ERBB4: variants seen among roughly 807,000 people sequenced by gnomAD.
ERBB4 encodes the protein receptor tyrosine-protein kinase erbB-4.
Under a neutral mutation model 158.0 loss-of-function variants are expected in ERBB4, and 42 were observed. The observed-to-expected ratio is 0.27, with a 90% CI of 0.21 to 0.34. ERBB4 has a LOEUF of 0.34. ERBB4 is among the 10% of genes least tolerant of loss of function. The pLI, the probability that ERBB4 is intolerant of heterozygous loss-of-function variation, is 1.00. For missense variants in ERBB4, 1,333 were observed against 1,624.1 expected, an observed-to-expected ratio of 0.82 and a Z score of 3.08; for synonymous variants, 583 against 558.7, an observed-to-expected ratio of 1.04 and a Z score of -0.61.
chr2:211,587,497 C>T (rs2068321724), intron 19 of ERBB4, among the ~76,000 whole-genome samples: 1 of 152,134 alleles, frequency 6.6e-6, no homozygotes, highest in Non-Finnish European at 1.5e-5. Context: ...AGCGATGCGG[C>T]CTACAAGCCA....
chr2:211,671,088 AG>A (rs1333912417), intron 14 of ERBB4, among the ~76,000 whole-genome samples: 2 of 152,212 alleles, frequency 1.3e-5, no homozygotes, highest in Non-Finnish European at 2.9e-5. Flanking sequence ...GTGAACTAAA[AG>A]TATTAGTTCA....
chr2:211,654,732 G>T (rs1466622634), intron 16 of ERBB4, among the ~76,000 whole-genome samples: 2 of 152,118 alleles, frequency 1.3e-5, no homozygotes, highest in African/African-American at 4.8e-5. Flanking sequence ...CCATTTTACA[G>T]ATAAAAAACA....
chr2:212,099,736 G>T (rs1386410727), intron 2 of ERBB4, among the ~76,000 whole-genome samples: 1 of 144,600 alleles, frequency 6.9e-6, no homozygotes, highest in Non-Finnish European at 1.5e-5. Flanking sequence ...TTGTTTTACA[G>T]TTTTTTTTTT....
At chr2:211,807,180 C>T (rs2076637971) in intron 3 of ERBB4, among the ~76,000 whole-genome samples, 1 of 151,768 alleles carries the variant, frequency 6.6e-6, no homozygotes, top group Non-Finnish European at 1.5e-5. Context: ...TTCTAGGGTA[C>T]ATGTGCACAA....
intron 14 of ERBB4, among the ~76,000 whole-genome samples, chr2:211,672,408 C>T (rs73080760): frequency 1.3e-5 from 2 of 152,008 alleles, no homozygotes. Context: ...TGATGGAAAC[C>T]AAAGAGAGGT....
intron 20 of ERBB4, among the ~76,000 whole-genome samples, chr2:211,459,520 C>A (rs1159877117): frequency 6.6e-6 from 1 of 152,108 alleles, no homozygotes; most frequent in South Asian, 2.1e-4. Flanking sequence ...GTGGGAAGGA[C>A]CTGGTGGAAG....
intron 20 of ERBB4, among the ~76,000 whole-genome samples, chr2:211,541,888 C>T (rs2066818937): frequency 1.3e-5 from 2 of 151,990 alleles, no homozygotes; most frequent in African/African-American, 2.4e-5. Flanking sequence ...TTAACACTCA[C>T]ATCTCTACCA....
chr2:211,956,536 G>T (rs72935720), intron 2 of ERBB4, among the ~76,000 whole-genome samples: 2 of 151,830 alleles, frequency 1.3e-5, no homozygotes, highest in Non-Finnish European at 2.9e-5. Flanking sequence ...TTGACCTTGC[G>T]CAAATTATTC....
chr2:211,409,542 A>G (rs1401005010), intron 25 of ERBB4, among the ~76,000 whole-genome samples: 1 of 152,160 alleles, frequency 6.6e-6, no homozygotes, highest in Non-Finnish European at 1.5e-5. Context: ...TTTTGGCTCT[A>G]TCAATTCCAT....
intron 2 of ERBB4, among the ~76,000 whole-genome samples, chr2:212,077,973 C>T (rs1358824584): frequency 6.6e-6 from 1 of 151,916 alleles, no homozygotes; most frequent in African/African-American, 2.4e-5. Context: ...ATAATTCAAT[C>T]ACCACATTCT....
chr2:211,459,494 A>G (rs2064472623), intron 20 of ERBB4, among the ~76,000 whole-genome samples: 1 of 152,206 alleles, frequency 6.6e-6, no homozygotes, highest in Non-Finnish European at 1.5e-5. Context: ...TGTAGCTCCC[A>G]TAATTCCCAT....
intron 1 of ERBB4, among the ~76,000 whole-genome samples, chr2:212,232,411 CTAT>C (rs998487805): frequency 5.9e-5 from 9 of 151,748 alleles, no homozygotes; most frequent in South Asian, 2.1e-4. Context: ...TTACTTTTTA[CTAT>C]TATTATTATT....
chr2:212,055,312 G>C (rs2077523515), intron 2 of ERBB4, among the ~76,000 whole-genome samples: 1 of 152,196 alleles, frequency 6.6e-6, no homozygotes, highest in African/African-American at 2.4e-5. Flanking sequence ...GCTCGAACTG[G>C]GTGGAGCCCA....
chr2:211,988,342 T>TA (rs1291566069), intron 2 of ERBB4, among the ~76,000 whole-genome samples: 5 of 152,102 alleles, frequency 3.3e-5, no homozygotes, highest in African/African-American at 1.2e-4. Flanking sequence ...CTCATCCCCT[T>TA]ATCCATAAAA....
intron 20 of ERBB4, among the ~76,000 whole-genome samples, chr2:211,473,099 G>A (rs1175390582): frequency 6.6e-6 from 1 of 151,834 alleles, no homozygotes; most frequent in Non-Finnish European, 1.5e-5. Context: ...ATGGAGAAAT[G>A]ATCCTGCATT....
At chr2:211,599,578 G>GT in intron 19 of ERBB4, among the ~76,000 whole-genome samples, 1 of 21,320 alleles carries the variant, frequency 4.7e-5, no homozygotes, top group South Asian at 1.0e-3. Flanking sequence ...AACATTTAGA[G>GT]TCCTGTCAAG....
At chr2:211,889,297 C>T (rs928263372) in intron 3 of ERBB4, among the ~76,000 whole-genome samples, 2 of 144,584 alleles carry the variant, frequency 1.4e-5, no homozygotes, top group South Asian at 2.1e-4. Flanking sequence ...ACACTGACAC[C>T]TCACACGGCA....
chr2:212,337,557 C>T (rs79062664), intron 1 of ERBB4, among the ~76,000 whole-genome samples: 1 of 152,074 alleles, frequency 6.6e-6, no homozygotes, highest in African/African-American at 2.4e-5. Flanking sequence ...ATAAGAATCA[C>T]CAGGGGGCTT....
intron 5 of ERBB4, among the ~76,000 whole-genome samples, chr2:211,748,039 T>C (rs938593062): frequency 3.3e-5 from 5 of 151,714 alleles, no homozygotes; most frequent in South Asian, 2.1e-4. Context: ...ATAGATGTTA[T>C]AATATATAGT....
Sources: gnomAD v4.1 joint callset for allele counts (sites outside exome capture counted in the v4.1 genomes callset) on GRCh38, gnomAD v4.1.1 for gene constraint, MANE v1.5 for transcripts, NCBI Gene and HGNC (gene_info 2026-07-23, HGNC 2026-07-21) for gene names.